The following PKD1L3 variants were observed in gnomAD, a reference collection of about 807,000 sequenced individuals.
PKD1L3 encodes the protein polycystin 1 like 3, transient receptor potential channel interacting, also known as polycystin-1-like protein 3.
In PKD1L3, 239 loss-of-function variants were observed where a neutral mutation model predicts 184.1. The ratio of observed to expected loss-of-function variants is 1.30; its 90% CI spans 1.17 to 1.45. The LOEUF (loss-of-function observed/expected upper bound fraction) is 1.45, where lower values mean the gene tolerates loss of function less well. PKD1L3 is among the 40% of genes most tolerant of loss of function. The probability of loss-of-function intolerance (pLI) is 0.00; values close to 1 mark genes in which losing one functional copy is unlikely to be tolerated. For missense variants in PKD1L3, 2,660 were observed against 2,067.2 expected (o/e 1.29, Z -5.56); for synonymous variants, 996 against 778.8 (o/e 1.28, Z -4.64).
Position 71,998,351 on chromosome 16 carries a change from G to C in PKD1L3, c.339C>G (p.Thr113=). The C allele has an allele frequency of 6.4e-7, 1 of 1,551,888 alleles. No individual in the cohort carries two copies. The highest frequency in any genetic ancestry group is 8.7e-7 in the Non-Finnish European group (1 of 1,147,032). ...ANGPPKPLSC[T]YLSRNFIRIS... is the part of the protein sequence containing the mutation. Reference sequence around the variant, plus strand: ...TCCGAATGAAGTTTCTGGACAGGTAGGTGCAGCTGAGGGGCTTTGGGGGCC... The same window carrying C: ...TCCGAATGAAGTTTCTGGACAGGTACGTGCAGCTGAGGGGCTTTGGGGGCC... Residue 113 remains threonine, a synonymous_variant, in exon 2 of 30, where the codon ACC becomes ACG. Coordinates refer to ENST00000620267, the MANE Select transcript of PKD1L3 (RefSeq NM_181536.2).
At chr16:71,982,764 A>AAAAATTTTTT (rs1162498667) in intron 6 of PKD1L3, among the ~76,000 whole-genome samples, 20 of 151,000 alleles carry the variant, frequency 1.3e-4, no homozygotes, top group Non-Finnish European at 5.9e-5. Flanking sequence ...CCTAATTTTT[A>AAAAATTTTTT]AAAATTTTTT....
intron 7 of PKD1L3, among the ~76,000 whole-genome samples, chr16:71,981,129 T>C (rs899497772): frequency 9.8e-5 from 15 of 152,354 alleles, no homozygotes; most frequent in African/African-American, 3.6e-4. Context: ...CATTAGATCA[T>C]AGATGTGTGG....
At chr16:71,949,379 G>GTCTCA in intron 21 of PKD1L3, among the ~76,000 whole-genome samples, 1 of 148,078 alleles carries the variant, frequency 6.8e-6, no homozygotes, top group Admixed American at 6.8e-5. Context: ...TTGAGACAGG[G>GTCTCA]TCTCACTCTG....
At chr16:71,999,529 A>G (rs1479077505) in intron 1 of PKD1L3, among the ~76,000 whole-genome samples, 155 bp downstream of exon 1, 2 of 152,262 alleles carry the variant, frequency 1.3e-5, no homozygotes, top group Non-Finnish European at 2.9e-5. Flanking sequence ...CTGTCGCACA[A>G]AATGGAAATA....
Position 71,998,312 on chromosome 16 carries a change from C to A in PKD1L3, c.378G>T (p.Gly126=), listed in dbSNP as rs879198613. The A allele has an allele frequency of 6.4e-7, 1 of 1,552,184 alleles. No individual in the cohort carries two copies. Among genetic ancestry groups the A allele is most frequent in the Admixed American group, 2.0e-5 (1 of 51,004 alleles). ...SRNFIRISSK[G]DKCLLKYYFI... is the part of the protein sequence containing the mutation. ...AATAGTATTTCAGTAAGCACTTGTC[C>A]CCTTTGGATGAGATCCGAATGAAGT... is the stretch of plus-strand genomic sequence containing the variant. Residue 126 remains glycine (G), a synonymous_variant, in exon 2 of 30, where the codon GGG becomes GGT. Coordinates refer to ENST00000620267, the MANE Select transcript of PKD1L3 (RefSeq NM_181536.2).
At chr16:71,960,916 G>C (rs2039253205) in intron 16 of PKD1L3, among the ~76,000 whole-genome samples, 1 of 152,014 alleles carries the variant, frequency 6.6e-6, no homozygotes, top group South Asian at 2.1e-4. Flanking sequence ...AACAAACCTA[G>C]AACTGTATCA....
chr16:71,965,634 A>G (rs139291240), intron 15 of PKD1L3, among the ~76,000 whole-genome samples: 198 of 151,696 alleles, frequency 1.3e-3, no homozygotes, highest in African/African-American at 4.4e-3. Context: ...GCTCAACGCA[A>G]TCTCTGCCTC....
At chr16:71,987,820 G>A (rs2040432190) in intron 4 of PKD1L3, among the ~76,000 whole-genome samples, 1 of 152,106 alleles carries the variant, frequency 6.6e-6, no homozygotes, top group South Asian at 2.1e-4. Context: ...CATTTTTGCT[G>A]AGTTGAATAC....
At chr16:71,980,784 C>G (rs181579637) in intron 7 of PKD1L3, among the ~76,000 whole-genome samples, 1 of 152,142 alleles carries the variant, frequency 6.6e-6, no homozygotes, top group East Asian at 1.9e-4. Context: ...GCAGAGCACC[C>G]AGATCACACT....
intron 3 of PKD1L3, among the ~76,000 whole-genome samples, 195 bp downstream of exon 3, chr16:71,993,021 C>T (rs1432693272): frequency 3.3e-5 from 5 of 152,124 alleles, no homozygotes; most frequent in East Asian, 1.9e-4. Context: ...GAAAAGACGG[C>T]GGCCAAGGGC....
rs1469906660 is a variant in PKD1L3 at position 71,999,760 on chromosome 16, A to G, written c.219T>C (p.Tyr73=). The G allele has an allele frequency of 3.0e-5, 46 of 1,551,668 alleles. No homozygotes were observed. Among genetic ancestry groups the G allele is most frequent in the Non-Finnish European group, 3.7e-5 (42 of 1,147,006 alleles). The change falls in exon 1 of 30, where the codon TAT becomes TAC. Residue 73 remains tyrosine, a synonymous_variant. Coordinates refer to ENST00000620267, the MANE Select transcript of PKD1L3 (RefSeq NM_181536.2). ...TCCACCACTTCTTTCCTTCTTCCAG[A>G]TAGTCCCGGATGAGATCTTGAACTT... ...NKEVQDLIRD[Y]LEEGKKWWIG... is the part of the protein sequence containing the mutation.
intron 10 of PKD1L3, among the ~76,000 whole-genome samples, chr16:71,977,838 G>A (rs955867229): frequency 5.9e-5 from 9 of 152,210 alleles, no homozygotes; most frequent in Non-Finnish European, 8.8e-5. Flanking sequence ...GCAGCAGTGC[G>A]ATCTCAGCTC....
intron 3 of PKD1L3, among the ~76,000 whole-genome samples, 198 bp downstream of exon 3, chr16:71,993,018 C>CTT (rs1480188511): frequency 6.6e-6 from 1 of 152,142 alleles, no homozygotes; most frequent in Non-Finnish European, 1.5e-5. Flanking sequence ...TATGAAAAGA[C>CTT]GGCGGCCAAG....
At chr16:71,969,774 T>TAC (rs779656221) in intron 13 of PKD1L3, 101 bp downstream of exon 13, 413 of 1,057,810 alleles carry the variant, frequency 3.9e-4, no homozygotes, top group Non-Finnish European at 5.1e-4. Flanking sequence ...TGCCTCCCAG[T>TAC]ACCAGGCTTC....
Position 71,935,816 on chromosome 16 carries a change from G to C in PKD1L3, c.4453-298C>G, listed in dbSNP as rs1022738895. ...CAAAAGTTTCTTTCTTTGAGACAGGGTCGCGCTCTGTTGCCCAGGCTGGAG... is the reference window on the plus strand; with the variant it reads ...CAAAAGTTTCTTTCTTTGAGACAGGCTCGCGCTCTGTTGCCCAGGCTGGAG... On this transcript the variant is annotated intron_variant, in intron 25 of 29. Transcript: ENST00000620267. 3.9e-5 allele frequency among the ~76,000 whole-genome samples: 6 copies of C among 152,164 alleles called. No homozygotes were observed. The East Asian group carries it at 7.7e-4, about 20-fold the overall frequency.
At chr16:71,977,131 T>C in intron 11 of PKD1L3, 105 bp downstream of exon 11, 1 of 857,912 alleles carries the variant, frequency 1.2e-6, no homozygotes, top group Non-Finnish European at 1.9e-6. Flanking sequence ...GAGGATCCCC[T>C]GAGCCTGACA....
At position 71,984,139 on chromosome 16, in the gene PKD1L3, C is replaced by T; in HGVS notation, c.863G>A (p.Ser288Asn). 6.4e-7 allele frequency: 1 copy of T among 1,551,692 alleles called. No individual in the cohort carries two copies. The highest frequency in any genetic ancestry group is 2.4e-5 in the East Asian group (1 of 40,910). The change falls in exon 6 of 30, where the codon AGC (serine) becomes AAC (asparagine). Residue 288 changes from serine to asparagine, a missense_variant. By Grantham distance (46) the Ser-to-Asn change is conservative. Transcript: ENST00000620267. ...AGCTTGCAAACCATGAACTGCTCTG[C>T]TGAAGTTCCCTGCTATCTCATCTAT... ...QVIDEIAGNF[S>N]RAVHGLQALN...
chr16:71,991,673 T>A (rs2040596087), intron 3 of PKD1L3, among the ~76,000 whole-genome samples: 1 of 152,208 alleles, frequency 6.6e-6, no homozygotes, highest in African/African-American at 2.4e-5. Flanking sequence ...TGGTATTTCC[T>A]AAGGACAAAA....
At chr16:71,949,070 T>G (rs1424574144) in intron 21 of PKD1L3, among the ~76,000 whole-genome samples, 1 of 152,102 alleles carries the variant, frequency 6.6e-6, no homozygotes, top group African/African-American at 2.4e-5. Context: ...CCCCAAATAA[T>G]AGATGAAACA....
Sources: gnomAD v4.1 joint callset for allele counts (sites outside exome capture counted in the v4.1 genomes callset) on GRCh38, gnomAD v4.1.1 for gene constraint, MANE v1.5 for transcripts, NCBI Gene and HGNC (gene_info 2026-07-23, HGNC 2026-07-21) for gene names.